Variants in EIF4G3 observed in about 807,000 individuals in gnomAD.
EIF4G3 encodes the protein eukaryotic translation initiation factor 4 gamma 3, also known as eIF-4-gamma 3.
EIF4G3 carries 34 observed loss-of-function variants against 186.4 expected under a neutral mutation model. That is an observed-to-expected ratio of 0.18 (90% CI 0.14 to 0.24). The LOEUF (loss-of-function observed/expected upper bound fraction) is 0.24. EIF4G3 is among the 10% of genes least tolerant of loss of function. The pLI, the probability that EIF4G3 is intolerant of heterozygous loss-of-function variation, is 1.00. For synonymous variants in EIF4G3, 673 were observed against 679.5 expected, an observed-to-expected ratio of 0.99 and a Z score of 0.15; for missense variants, 1,536 against 1,948.5, an observed-to-expected ratio of 0.79 and a Z score of 3.99.
intron 3 of EIF4G3, among the ~76,000 whole-genome samples, chr1:21,069,954 G>C (rs971434102): frequency 1.3e-5 from 2 of 152,108 alleles, no homozygotes; most frequent in Non-Finnish European, 2.9e-5. Flanking sequence ...CTCAATCATG[G>C]TTATCTTATA....
chr1:20,941,562 A>G lies in EIF4G3; in HGVS notation c.1592T>C (p.Val531Ala), dbSNP rs1467245480. 3.1e-6 allele frequency: 5 copies of G among 1,614,014 alleles called. No individual in the cohort carries two copies. Among genetic ancestry groups the G allele is most frequent in the Non-Finnish European group, 4.2e-6 (5 of 1,179,980 alleles). ...CTCTTCTGTTTGCCCATCTGCTTCT[A>G]CCTCTATTTTGTTCTGAATCTCTTT... ...DAKEIQNKIE[V>A]EADGQTEEIL... Residue 531 changes from valine to alanine, a missense_variant, in exon 14 of 37, where the codon GTA (valine) becomes GCA (alanine). Around this residue, in one of 11 missense-constraint regions of EIF4G3, gnomAD observed 560 missense variants for 547.8 expected, o/e 1.02. Coordinates refer to ENST00000602326, the MANE Select transcript of EIF4G3 (RefSeq NM_001391906.1).
intron 18 of EIF4G3, among the ~76,000 whole-genome samples, chr1:20,888,573 A>T (rs1004011403): frequency 1.3e-5 from 2 of 152,178 alleles, no homozygotes; most frequent in African/African-American, 4.8e-5. Context: ...CTTAGGAGAC[A>T]AAAGAATCAG....
chr1:21,101,729 A>T (rs544656949), intron 2 of EIF4G3, among the ~76,000 whole-genome samples: 1 of 152,112 alleles, frequency 6.6e-6, no homozygotes, highest in Non-Finnish European at 1.5e-5. Context: ...CTGATCAAAC[A>T]GCTACAAATT....
At chr1:21,155,134 G>T (rs1267054574) in intron 2 of EIF4G3, among the ~76,000 whole-genome samples, 1 of 151,724 alleles carries the variant, frequency 6.6e-6, no homozygotes, top group African/African-American at 2.4e-5. Flanking sequence ...ATGGTGGCAG[G>T]TGCCTGTAAT....
chr1:21,130,093 T>TA (rs1016087249), intron 2 of EIF4G3, among the ~76,000 whole-genome samples: 2 of 150,968 alleles, frequency 1.3e-5, no homozygotes, highest in Non-Finnish European at 2.9e-5. Flanking sequence ...ACAACAACAA[T>TA]AAAAACCCAA....
chr1:20,991,305 C>T (rs750594999), intron 7 of EIF4G3, among the ~76,000 whole-genome samples: 3 of 152,132 alleles, frequency 2.0e-5, no homozygotes, highest in Non-Finnish European at 4.4e-5. Context: ...CAGTGGCTCA[C>T]GCCTTTAAAC....
In EIF4G3 at chr1:20,886,228, G is replaced by A. The variant is rs139030311; in HGVS notation, c.2397C>T (p.Ala799=). 39 of 1,613,428 alleles carry A rather than the reference G, an allele frequency of 2.4e-5. No individual in the cohort carries two copies. Among genetic ancestry groups the A allele is most frequent in the African/African-American group, 4.0e-5 (3 of 74,846 alleles). The change falls in exon 19 of 37, where the codon GCC becomes GCT. Residue 799 remains alanine, a synonymous_variant. Coordinates refer to ENST00000602326, the MANE Select transcript of EIF4G3 (RefSeq NM_001391906.1). ...GGGTTTTAATGTTTTCGGGATCATC[G>A]GCTTGGCTGTCTCGTTTTTGGCTTG... The part of the protein sequence containing the change: ...WKPSQKRDSQ[A]DDPENIKTQE...
At chr1:21,146,728 G>A (rs982207612) in intron 2 of EIF4G3, among the ~76,000 whole-genome samples, 6 of 152,002 alleles carry the variant, frequency 3.9e-5, no homozygotes, top group South Asian at 2.1e-4. Flanking sequence ...TTGCACTCCC[G>A]CCTGGACAAC....
intron 14 of EIF4G3, among the ~76,000 whole-genome samples, chr1:20,938,811 T>C (rs1260553118): frequency 6.6e-6 from 1 of 152,110 alleles, no homozygotes; most frequent in African/African-American, 2.4e-5. Context: ...TGAGGCTTTA[T>C]AATTTACAAA....
intron 13 of EIF4G3, 146 bp from the exon 14 acceptor site, chr1:20,942,476 C>G (rs1224237309): frequency 4.3e-6 from 3 of 694,442 alleles, no homozygotes; most frequent in Middle Eastern, 4.2e-4. Context: ...ATGCCAAAAA[C>G]ATTGTCTCTT....
At chr1:20,978,665 C>G (rs1353623488) in intron 10 of EIF4G3, among the ~76,000 whole-genome samples, 1 of 128,442 alleles carries the variant, frequency 7.8e-6, no homozygotes, top group Non-Finnish European at 1.6e-5. Flanking sequence ...CTTAGTAGCC[C>G]TTTTATCAGA....
intron 19 of EIF4G3, among the ~76,000 whole-genome samples, chr1:20,881,706 G>A (rs868131253): frequency 2.0e-5 from 3 of 151,992 alleles, no homozygotes; most frequent in African/African-American, 7.3e-5. Context: ...AGGACTGCCT[G>A]AGCCAGGGGA....
intron 2 of EIF4G3, among the ~76,000 whole-genome samples, chr1:21,173,485 G>C (rs936512375): frequency 1.3e-5 from 2 of 152,102 alleles, no homozygotes; most frequent in Admixed American, 1.3e-4. Context: ...CCAGGAGTTC[G>C]AGACCAGCCT....
chr1:20,952,640 AGAGTTC>A (rs2096267373), intron 12 of EIF4G3, among the ~76,000 whole-genome samples: 1 of 152,156 alleles, frequency 6.6e-6, no homozygotes, highest in Non-Finnish European at 1.5e-5. Context: ...CCAGAGGTCA[AGAGTTC>A]GAGATCAGCC....
chr1:20,925,287 TATC>T (rs1179032601), intron 14 of EIF4G3, among the ~76,000 whole-genome samples: 2 of 152,240 alleles, frequency 1.3e-5, no homozygotes, highest in Non-Finnish European at 2.9e-5. Context: ...CAGTGTATAA[TATC>T]ATGTCAAAGG....
intron 14 of EIF4G3, among the ~76,000 whole-genome samples, chr1:20,924,870 T>C (rs538678794): frequency 1.3e-5 from 2 of 152,374 alleles, no homozygotes; most frequent in East Asian, 3.9e-4. Context: ...CCGAAAATTA[T>C]TATTTGAATG....
At chr1:21,024,774 GCCT>G in intron 4 of EIF4G3, among the ~76,000 whole-genome samples, 1 of 149,060 alleles carries the variant, frequency 6.7e-6, no homozygotes, top group Non-Finnish European at 1.5e-5. Context: ...AGGGTCCTCT[GCCT>G]AGGAAAACCA....
chr1:20,877,382 C>T (rs1301546999), intron 20 of EIF4G3, among the ~76,000 whole-genome samples: 1 of 152,208 alleles, frequency 6.6e-6, no homozygotes, highest in East Asian at 1.9e-4. Flanking sequence ...AGCAATGCCA[C>T]TTACTAGTTA....
chr1:21,089,027 CT>C, intron 3 of EIF4G3, 110 bp downstream of exon 3: 1 of 633,678 alleles, frequency 1.6e-6, no homozygotes, highest in Non-Finnish European at 2.9e-6. Flanking sequence ...TTTTATTGAA[CT>C]TTTTGCCAAA....
Sources: allele counts gnomAD v4.1 joint callset (sites outside exome capture counted in the v4.1 genomes callset), GRCh38; gene constraint gnomAD v4.1.1; regional missense constraint gnomAD v4.1.1; transcripts MANE v1.5; gene names NCBI Gene and HGNC (gene_info 2026-07-23, HGNC 2026-07-21).